LRP2: variants seen among roughly 807,000 people sequenced by gnomAD.
LRP2 encodes the protein low-density lipoprotein receptor-related protein 2.
In LRP2, 172 loss-of-function variants were observed where a neutral mutation model predicts 531.0. The ratio of observed to expected loss-of-function variants is 0.32; its 90% confidence interval spans 0.29 to 0.37. The LOEUF is 0.37. LRP2 is among the 10% of genes least tolerant of loss of function. LRP2 has a pLI of 1.00. For missense variants in LRP2, 5,167 were observed against 5,868.3 expected (o/e 0.88, Z 3.90); for synonymous variants, 1,992 against 2,027.6 (o/e 0.98, Z 0.47).
chr2:169,213,330 T>C (rs1326870687), intron 36 of LRP2, among the ~76,000 whole-genome samples: 2 of 152,128 alleles, frequency 1.3e-5, no homozygotes, highest in Non-Finnish European at 2.9e-5. Context: ...TGCCTGCCCG[T>C]ACAGAGGTTA....
intron 16 of LRP2, among the ~76,000 whole-genome samples, chr2:169,266,568 A>G (rs1690810000): frequency 6.6e-6 from 1 of 152,158 alleles, no homozygotes; most frequent in South Asian, 2.1e-4. Context: ...GCAAAAGGAA[A>G]TTGAGTAACT....
Position 169,277,912 on chromosome 2 carries a change from T to C in LRP2, c.1605A>G (p.Glu535=), listed in dbSNP as rs1683597998. 6.2e-7 allele frequency: 1 copy of C among 1,613,834 alleles called. No homozygotes were observed. Among genetic ancestry groups the C allele is most frequent in the South Asian group, 1.1e-5 (1 of 91,072 alleles). The stretch of plus-strand genomic sequence containing the variant: ...CCATGAATGCCCTTTCCAGCTTAGG[T>C]TCCCCAGAAAGGCTCTCCCAATCTG... The part of the protein sequence containing the change: ...FFSDWESLSG[E]PKLERAFMDG... Residue 535 remains glutamate (E), a synonymous_variant, in exon 13 of 79, where the codon GAA becomes GAG. Coordinates refer to ENST00000649046, the MANE Select transcript of LRP2 (RefSeq NM_004525.3).
intron 64 of LRP2, among the ~76,000 whole-genome samples, chr2:169,157,107 C>G (rs1209864368): frequency 1.3e-5 from 2 of 152,140 alleles, no homozygotes; most frequent in Admixed American, 6.6e-5. Flanking sequence ...GCCATCATCA[C>G]CAAGGCCTTC....
chr2:169,167,664 T>A (rs912437865), intron 61 of LRP2, among the ~76,000 whole-genome samples: 9 of 152,098 alleles, frequency 5.9e-5, no homozygotes, highest in Non-Finnish European at 1.3e-4. Flanking sequence ...GTGCATCCCA[T>A]GAATTTGCAT....
chr2:169,291,061 A>T, intron 7 of LRP2, 64 bp from the exon 8 acceptor site: 1 of 1,454,126 alleles, frequency 6.9e-7, no homozygotes, highest in Non-Finnish European at 9.5e-7. Context: ...TTTGTTAATC[A>T]GTGGTTTACA....
chr2:169,164,505 T>C (rs974726684), intron 62 of LRP2, among the ~76,000 whole-genome samples: 3 of 152,244 alleles, frequency 2.0e-5, no homozygotes, highest in South Asian at 2.1e-4. Context: ...CAGGGCCACG[T>C]GACTGGTTCT....
intron 19 of LRP2, 142 bp from the exon 20 acceptor site, chr2:169,247,657 C>T (rs919909994): frequency 2.4e-5 from 21 of 884,906 alleles, no homozygotes; most frequent in Non-Finnish European, 3.6e-5. Context: ...GTTTCTCTAA[C>T]CATTTTCCAC....
At chr2:169,144,238 C>A (rs2284680) in intron 70 of LRP2, among the ~76,000 whole-genome samples, 109,365 of 152,112 alleles carry the variant, frequency 0.72, 39,821 homozygotes, top group South Asian at 0.85. Context: ...TAGGCCACCT[C>A]AGGCATATTG....
chr2:169,233,501 T>C lies in LRP2; in HGVS notation c.5008A>G (p.Lys1670Glu), dbSNP rs1689486761. Residue 1670 changes from lysine to glutamate, a missense_variant, in exon 30 of 79, where the codon AAG becomes GAG. Lys to Glu is a moderately conservative substitution (Grantham distance 56, BLOSUM62 1). Transcript: ENST00000649046. ...ACTGACTGGTTCCCTCCATGCCACT[T>C]GTTGGCTCGCATAACCCGACGAGTA... ...RATRRVMRAN[K>E]WHGGNQSVVM... 6.2e-7 allele frequency: 1 copy of C among 1,614,152 alleles called. No individual in the cohort carries two copies. Among genetic ancestry groups the C allele is most frequent in the Non-Finnish European group, 8.5e-7 (1 of 1,180,022 alleles).
Position 169,201,790 on chromosome 2 carries a change from T to A in LRP2, c.8290A>T (p.Asn2764Tyr), listed in dbSNP as rs1321650097. 6.2e-7 allele frequency: 1 copy of A among 1,614,192 alleles called. No homozygotes were observed. The highest frequency in any genetic ancestry group is 1.7e-5 in the Admixed American group (1 of 60,016). ...VQYSYRCDYY[N>Y]DCGDGSDEAG... Reference sequence around the variant, plus strand: ...TCATCACTGCCATCACCACAGTCATTGTAGTAATCACAGCGGTAAGAGTAT... The same window carrying A: ...TCATCACTGCCATCACCACAGTCATAGTAGTAATCACAGCGGTAAGAGTAT... Residue 2764 changes from asparagine to tyrosine, a missense_variant, in exon 44 of 79, where the codon AAT becomes TAT. By Grantham distance (143) the Asn-to-Tyr change is moderately radical. This residue lies in a region of LRP2 where 1,129 missense variants were observed against 1,362.7 expected (regional missense o/e 0.83). Transcript: ENST00000649046.
rs2105284423 is a variant in LRP2 at position 169,175,355 on chromosome 2, T to C, written c.10606A>G (p.Lys3536Glu). The C allele has an allele frequency of 1.2e-6, 2 of 1,614,190 alleles. No individual in the cohort carries two copies. Among genetic ancestry groups the C allele is most frequent in the Non-Finnish European group, 8.5e-7 (1 of 1,180,034 alleles). ...TCATCAGAGCCATCTGAGCAGTCTT[T>C]CTGTCCATCACATTTCCACCAGATA... is the stretch of plus-strand genomic sequence containing the variant. ...IPIWWKCDGQ[K>E]DCSDGSDELA... is the part of the protein sequence containing the mutation. The change falls in exon 55 of 79, where the codon AAA becomes GAA. Residue 3536 changes from lysine to glutamate, a missense_variant. By Grantham distance (56) the Lys-to-Glu change is moderately conservative (BLOSUM62 1). This residue lies in a region of LRP2 where 311 missense variants were observed against 309.4 expected (regional missense o/e 1.01). Coordinates refer to ENST00000649046, the MANE Select transcript of LRP2 (RefSeq NM_004525.3).
intron 3 of LRP2, among the ~76,000 whole-genome samples, chr2:169,313,658 A>G (rs902845349): frequency 1.3e-5 from 2 of 152,192 alleles, no homozygotes; most frequent in Non-Finnish European, 2.9e-5. Flanking sequence ...CTCGGGGGTC[A>G]GGGACCCACT....
At chr2:169,295,662 G>T (rs1684117768) in intron 4 of LRP2, among the ~76,000 whole-genome samples, 1 of 152,060 alleles carries the variant, frequency 6.6e-6, no homozygotes, top group Non-Finnish European at 1.5e-5. Context: ...ATTAGTACAG[G>T]GGTGGGACAT....
intron 21 of LRP2, 59 bp from the exon 22 acceptor site, chr2:169,244,991 T>TTATAAGC: frequency 6.2e-7 from 1 of 1,603,028 alleles, no homozygotes; most frequent in Admixed American, 1.7e-5. Flanking sequence ...TTAAATGAGT[T>TTATAAGC]CTTGCCTTAT....
intron 34 of LRP2, among the ~76,000 whole-genome samples, chr2:169,219,866 T>C (rs1265330353): frequency 6.6e-6 from 1 of 152,048 alleles, no homozygotes; most frequent in Non-Finnish European, 1.5e-5. Flanking sequence ...AAGAATAAAG[T>C]TCAACTTCTT....
In LRP2 at chr2:169,270,988, T is replaced by C. The variant is rs777088701; in HGVS notation, c.2236A>G (p.Ile746Val). The C allele has an allele frequency of 6.2e-7, 1 of 1,613,218 alleles. No individual in the cohort carries two copies. Among genetic ancestry groups the C allele is most frequent in the South Asian group, 1.1e-5 (1 of 91,060 alleles). Reference sequence around the variant, plus strand: ...GTGCTGTCCTGGGCGTCAAAATCAATCCCGACAAAGAAAGAAGGATTCCCC... The same window carrying C: ...GTGCTGTCCTGGGCGTCAAAATCAACCCCGACAAAGAAAGAAGGATTCCCC... ...VSGNPSFFVG[I>V]DFDAQDSTIF... The change falls in exon 16 of 79, where the codon ATT becomes GTT. Residue 746 changes from isoleucine (I) to valine (V), a missense_variant. Transcript: ENST00000649046.
In LRP2 at chr2:169,153,299, C is replaced by T. The variant is rs142209928; in HGVS notation, c.12296-335G>A. On this transcript the variant is annotated intron_variant, in intron 66 of 78. Transcript: ENST00000649046. ...CAAAACAGAATGTATAGAGATAAAC[C>T]AGGGCAGGCTGTTGAGAATTTGAAA... is the stretch of plus-strand genomic sequence containing the variant. Among the ~76,000 whole-genome samples the T allele has an allele frequency of 6.6e-3, 1,006 of 152,130 alleles. 8 individuals carry two copies. Among genetic ancestry groups the T allele is most frequent in the Middle Eastern group, 0.037 (11 of 294 alleles).
intron 39 of LRP2, 58 bp downstream of exon 39, chr2:169,206,272 T>C: frequency 1.9e-6 from 3 of 1,611,074 alleles, no homozygotes; most frequent in Non-Finnish European, 2.5e-6. Flanking sequence ...CAGTCATCCA[T>C]GTGTGTTGAC....
intron 49 of LRP2, among the ~76,000 whole-genome samples, chr2:169,187,711 T>C (rs1030684620): frequency 4.6e-5 from 7 of 152,206 alleles, no homozygotes; most frequent in Non-Finnish European, 1.5e-5. Context: ...TATTTGGCAA[T>C]AATGTTAAAT....
Sources: gnomAD v4.1 joint callset for allele counts (sites outside exome capture counted in the v4.1 genomes callset) on GRCh38, gnomAD v4.1.1 for gene constraint, gnomAD v4.1.1 regional missense constraint, MANE v1.5 for transcripts, NCBI Gene and HGNC (gene_info 2026-07-23, HGNC 2026-07-21) for gene names.